LTBP1: variants seen among roughly 807,000 people sequenced by gnomAD.
LTBP1 encodes the protein latent transforming growth factor beta binding protein 1, also known as latent-transforming growth factor beta-binding protein 1.
Under a neutral mutation model 207.6 loss-of-function variants are expected in LTBP1, and 129 were observed. The observed-to-expected ratio is 0.62, with a 90% confidence interval of 0.54 to 0.72. The LOEUF (loss-of-function observed/expected upper bound fraction) is 0.72, where lower values mean the gene tolerates loss of function less well. Ranked by LOEUF, LTBP1 falls within the 30% of genes least tolerant of loss-of-function variation. LTBP1 has a pLI of 0.00. For synonymous variants in LTBP1, 963 were observed against 833.7 expected, an observed-to-expected ratio of 1.16 and a Z score of -2.67; for missense variants, 2,281 against 2,217.2, an observed-to-expected ratio of 1.03 and a Z score of -0.58.
intron 7 of LTBP1, among the ~76,000 whole-genome samples, chr2:33,204,299 G>A (rs546297709): frequency 2.2e-5 from 3 of 137,440 alleles, no homozygotes; most frequent in East Asian, 3.9e-4. Flanking sequence ...GTATGAGACT[G>A]TGCATTTACT....
chr2:32,970,240 C>T (rs1331583634), intron 2 of LTBP1, among the ~76,000 whole-genome samples: 9 of 152,078 alleles, frequency 5.9e-5, no homozygotes, highest in African/African-American at 2.2e-4. Context: ...TGATAGTTTC[C>T]TTTGCTGTGC....
At chr2:33,206,364 C>G (rs1175874932) in intron 7 of LTBP1, among the ~76,000 whole-genome samples, 1 of 152,114 alleles carries the variant, frequency 6.6e-6, no homozygotes. Context: ...GCTATGAGGC[C>G]TAAAATGTTT....
At chr2:33,278,466 C>T (rs1197844276) in intron 18 of LTBP1, among the ~76,000 whole-genome samples, 1 of 152,194 alleles carries the variant, frequency 6.6e-6, no homozygotes, top group Non-Finnish European at 1.5e-5. Context: ...CTGTCACTAA[C>T]GAAGTTGCTT....
chr2:33,031,950 TGAGA>T (rs1053571331), intron 3 of LTBP1, among the ~76,000 whole-genome samples: 3 of 152,068 alleles, frequency 2.0e-5, no homozygotes, highest in East Asian at 1.9e-4. Flanking sequence ...GCTGGGCAGA[TGAGA>T]GAGAGGGAGG....
chr2:33,164,103 C>T (rs1361233466), intron 5 of LTBP1, among the ~76,000 whole-genome samples: 3 of 151,850 alleles, frequency 2.0e-5, no homozygotes, highest in Non-Finnish European at 4.4e-5. Context: ...GTAATCCCAG[C>T]ACTTTGGGAG....
chr2:33,263,714 G>A (rs1221828875), intron 15 of LTBP1, among the ~76,000 whole-genome samples: 4 of 152,112 alleles, frequency 2.6e-5, no homozygotes, highest in African/African-American at 9.7e-5. Context: ...AGCACTTTGG[G>A]AGGCCAAGGC....
At chr2:33,292,978 C>T (rs940017100) in intron 19 of LTBP1, among the ~76,000 whole-genome samples, 182 bp from the exon 20 acceptor site, 5 of 152,178 alleles carry the variant, frequency 3.3e-5, no homozygotes, top group Admixed American at 1.3e-4. Context: ...AAGTATAGAA[C>T]CGTCATCCAT....
Position 33,252,732 on chromosome 2 carries a change from T to G in LTBP1, c.2055T>G (p.Ser685=), listed in dbSNP as rs1378146866. ...EKGPCYRLVS[S]GRQCMHPLSV... ...GGCCCTGTTACCGACTTGTCAGTTC[T>G]GGAAGACAGTGTATGCACCCTCTGT... is the stretch of plus-strand genomic sequence containing the variant. Residue 685 remains serine, a synonymous_variant, in exon 11 of 34, where the codon TCT becomes TCG. Coordinates refer to ENST00000404816, the MANE Select transcript of LTBP1 (RefSeq NM_206943.4). 5 of 1,614,016 alleles carry G rather than the reference T, an allele frequency of 3.1e-6. No individual in the cohort carries two copies. The South Asian group carries it at 4.4e-5, about 14-fold the overall frequency.
At chr2:33,083,798 G>C (rs1282466365) in intron 3 of LTBP1, among the ~76,000 whole-genome samples, 1 of 152,172 alleles carries the variant, frequency 6.6e-6, no homozygotes, top group African/African-American at 2.4e-5. Context: ...GTCGAGAAAC[G>C]ATCAGTGACT....
intron 24 of LTBP1, chr2:33,332,799 G>A (rs1036848524): frequency 2.6e-5 from 4 of 152,246 alleles, no homozygotes; most frequent in African/African-American, 9.7e-5. Context: ...TAAAGAAACA[G>A]CATTTGAGCT....
intron 15 of LTBP1, among the ~76,000 whole-genome samples, chr2:33,264,924 G>A (rs2148107756): frequency 6.6e-6 from 1 of 152,116 alleles, no homozygotes; most frequent in Non-Finnish European, 1.5e-5. Context: ...AAACCCAAAG[G>A]CCTGAGAAGC....
At chr2:33,123,701 G>A (rs567046952) in intron 4 of LTBP1, among the ~76,000 whole-genome samples, 1 of 152,208 alleles carries the variant, frequency 6.6e-6, no homozygotes, top group East Asian at 1.9e-4. Flanking sequence ...AGGAAATTTG[G>A]ACATAGGCTT....
At chr2:33,260,936 T>C (rs186394337) in intron 13 of LTBP1, among the ~76,000 whole-genome samples, 8 of 152,304 alleles carry the variant, frequency 5.3e-5, no homozygotes, top group Admixed American at 3.9e-4. Flanking sequence ...TGCATTTTAT[T>C]TGGGGAGGAG....
chr2:33,041,028 G>A (rs1264581140), intron 3 of LTBP1, among the ~76,000 whole-genome samples: 1 of 152,136 alleles, frequency 6.6e-6, no homozygotes, highest in African/African-American at 2.4e-5. Flanking sequence ...TTATAGATCT[G>A]GAAAATTAGT....
chr2:33,315,372 T>G, intron 24 of LTBP1, 103 bp downstream of exon 24: 1 of 1,409,852 alleles, frequency 7.1e-7, no homozygotes, highest in Non-Finnish European at 9.8e-7. Flanking sequence ...ACTGCATAAT[T>G]CAGAGCCTCA....
chr2:33,217,460 G>C (rs1045004268), intron 7 of LTBP1, 92 bp from the exon 8 acceptor site: 5 of 789,864 alleles, frequency 6.3e-6, no homozygotes, highest in African/African-American at 1.7e-5. Flanking sequence ...CAAGGGAACT[G>C]GTTTATAGCG....
In LTBP1 at chr2:33,399,311, C is replaced by T. The variant is rs1350903735; in HGVS notation, c.*766C>T. 6.6e-6 allele frequency: 1 copy of T among 152,036 alleles called. No individual in the cohort carries two copies. The highest frequency in any genetic ancestry group is 1.5e-5 in the Non-Finnish European group (1 of 68,006). 9.4% of individuals were successfully genotyped at this position (152,036 alleles called of 1,614,324 possible). ...AAAAATTTTTAAAAATTTGATGATC[C>T]CCAATATATCTACCATTGTATGTTA... is the stretch of plus-strand genomic sequence containing the variant. On this transcript the variant is annotated 3_prime_UTR_variant, in exon 34 of 34. Transcript: ENST00000404816.
In LTBP1 at chr2:33,309,553, C is replaced by G. The variant is rs1360780268; in HGVS notation, c.3601C>G (p.Gln1201Glu). The change falls in exon 23 of 34, where the codon CAA (glutamine) becomes GAA (glutamate). Residue 1201 changes from glutamine to glutamate, a missense_variant. Physicochemically the swap from Gln to Glu is conservative, Grantham distance 29. Transcript: ENST00000404816. ...GFQLDDNKTC[Q>E]DINECEHPGL... ...TCAGCTAGATGACAATAAAACATGT[C>G]AAGGTATTTCTTGCTCTTTTTTCCC... The G allele has an allele frequency of 3.1e-6, 5 of 1,603,662 alleles. No individual in the cohort carries two copies. In the African/African-American group the frequency reaches 5.4e-5, roughly 17 times the overall value.
chr2:33,312,343 G>T (rs1433363232), intron 23 of LTBP1, among the ~76,000 whole-genome samples: 6 of 152,202 alleles, frequency 3.9e-5, no homozygotes, highest in Non-Finnish European at 7.3e-5. Context: ...GGCATTTTCA[G>T]TTGGAAGCGT....
Sources: gnomAD v4.1 joint callset for allele counts (sites outside exome capture counted in the v4.1 genomes callset) on GRCh38, gnomAD v4.1.1 for gene constraint, MANE v1.5 for transcripts, NCBI Gene and HGNC (gene_info 2026-07-23, HGNC 2026-07-21) for gene names.